Variants in ADAMTS6 observed in about 807,000 individuals in gnomAD.
ADAMTS6 encodes A disintegrin and metalloproteinase with thrombospondin motifs 6.
A neutral mutation model predicts 144.3 loss-of-function variants in ADAMTS6; 23 were observed. The observed-to-expected ratio is 0.16, with a 90% CI of 0.11 to 0.23. ADAMTS6 has a LOEUF of 0.23. Ranked by LOEUF, ADAMTS6 falls within the 10% of genes least tolerant of loss-of-function variation. The pLI, the probability that ADAMTS6 is intolerant of heterozygous loss-of-function variation, is 1.00. For synonymous variants in ADAMTS6, 444 were observed against 457.5 expected (o/e 0.97, Z 0.38); for missense variants, 999 against 1,379.6 (o/e 0.72, Z 4.37).
chr5:65,198,465 A>G (rs1364965782), intron 20 of ADAMTS6: 1 of 167,058 alleles, frequency 6.0e-6, no homozygotes, highest in Non-Finnish European at 1.5e-5. Flanking sequence ...GCTTCCCCCA[A>G]GTTCCCCTAA....
intron 11 of ADAMTS6, among the ~76,000 whole-genome samples, chr5:65,283,383 A>C (rs1371412225): frequency 6.6e-6 from 1 of 152,048 alleles, no homozygotes; most frequent in East Asian, 1.9e-4. Context: ...AACTAAAAAA[A>C]CCCTTAATCC....
At chr5:65,409,552 C>T (rs1453511127) in intron 7 of ADAMTS6, among the ~76,000 whole-genome samples, 5 of 151,958 alleles carry the variant, frequency 3.3e-5, no homozygotes, top group African/African-American at 4.8e-5. Flanking sequence ...GATTCACAGC[C>T]GAATTCTACC....
At chr5:65,246,430 C>T (rs1330480797) in intron 14 of ADAMTS6, among the ~76,000 whole-genome samples, 1 of 152,016 alleles carries the variant, frequency 6.6e-6, no homozygotes, top group East Asian at 1.9e-4. Flanking sequence ...AAAAACAAAA[C>T]CCAAATAGAT....
At chr5:65,459,832 T>C (rs1759512039) in intron 4 of ADAMTS6, among the ~76,000 whole-genome samples, 1 of 152,134 alleles carries the variant, frequency 6.6e-6, no homozygotes, top group Non-Finnish European at 1.5e-5. Context: ...GCTACTAGCA[T>C]AAAAATATCA....
At chr5:65,154,307 C>T (rs1369691318) in intron 24 of ADAMTS6, among the ~76,000 whole-genome samples, 2 of 152,198 alleles carry the variant, frequency 1.3e-5, no homozygotes, top group Non-Finnish European at 2.9e-5. Context: ...CATGCAGAGG[C>T]CCAGAACACA....
At chr5:65,381,223 T>G (rs1038172567) in intron 7 of ADAMTS6, among the ~76,000 whole-genome samples, 3 of 152,214 alleles carry the variant, frequency 2.0e-5, no homozygotes, top group African/African-American at 4.8e-5. Context: ...AAAATGAAAA[T>G]TTTTAAATGG....
chr5:65,295,624 G>A (rs1330466953), intron 10 of ADAMTS6, among the ~76,000 whole-genome samples: 1 of 151,976 alleles, frequency 6.6e-6, no homozygotes, highest in Non-Finnish European at 1.5e-5. Context: ...AAGTAGACCT[G>A]TGATTATTTC....
In ADAMTS6 at chr5:65,314,127, A is replaced by C. The variant is rs551895113; in HGVS notation, c.1224-13996T>G. On this transcript the variant is annotated intron_variant, in intron 9 of 24. Transcript: ENST00000381055. ...AACAGCTTTAAAGGAAAAAGTAAAC[A>C]ACATGCAAGAAGAGATAGATAATTA... Among the ~76,000 whole-genome samples the C allele has an allele frequency of 1.4e-3, 220 of 152,292 alleles. 2 individuals are homozygous for C. The highest frequency in any genetic ancestry group is 3.1e-3 in the Admixed American group (48 of 15,280).
chr5:65,282,420 C>G (rs1481558444), intron 11 of ADAMTS6, among the ~76,000 whole-genome samples: 3 of 152,012 alleles, frequency 2.0e-5, no homozygotes, highest in African/African-American at 7.2e-5. Flanking sequence ...AGGTAGCAGG[C>G]TTCCCAGAGA....
chr5:65,201,058 CT>C (rs2112248084), intron 20 of ADAMTS6, among the ~76,000 whole-genome samples: 1 of 152,288 alleles, frequency 6.6e-6, no homozygotes, highest in East Asian at 1.9e-4. Context: ...GCATATTCCA[CT>C]TGAATCACTG....
At chr5:65,331,640 G>T (rs1746724587) in intron 8 of ADAMTS6, among the ~76,000 whole-genome samples, 1 of 151,870 alleles carries the variant, frequency 6.6e-6, no homozygotes, top group African/African-American at 2.4e-5. Context: ...GGTCATTTAG[G>T]TTTCCTCAGC....
intron 4 of ADAMTS6, among the ~76,000 whole-genome samples, chr5:65,459,492 C>CA (rs1191692120): frequency 2.6e-5 from 4 of 152,102 alleles, no homozygotes; most frequent in Non-Finnish European, 5.9e-5. Flanking sequence ...TTCTAATATC[C>CA]AGTTACATGA....
At chr5:65,356,719 CTT>C (rs1749358741) in intron 7 of ADAMTS6, among the ~76,000 whole-genome samples, 1 of 151,904 alleles carries the variant, frequency 6.6e-6, no homozygotes, top group South Asian at 2.1e-4. Flanking sequence ...ACATTTATCA[CTT>C]TGCTCAAACT....
chr5:65,184,666 G>C (rs1342333710), intron 22 of ADAMTS6, among the ~76,000 whole-genome samples: 2 of 152,292 alleles, frequency 1.3e-5, no homozygotes, highest in African/African-American at 4.8e-5. Context: ...TGCCCAGTGA[G>C]GGCAAAAACA....
intron 8 of ADAMTS6, 137 bp from the exon 9 acceptor site, chr5:65,329,620 G>T: frequency 1.6e-6 from 1 of 639,848 alleles, no homozygotes; most frequent in Non-Finnish European, 2.5e-6. Context: ...TAACTTTCTA[G>T]TCATTTGCAA....
At chr5:65,323,452 AT>A (rs1745835657) in intron 9 of ADAMTS6, among the ~76,000 whole-genome samples, 1 of 151,766 alleles carries the variant, frequency 6.6e-6, no homozygotes, top group African/African-American at 2.4e-5. Context: ...TGAAATCATC[AT>A]TTTTTATGGC....
intron 7 of ADAMTS6, among the ~76,000 whole-genome samples, chr5:65,419,594 T>C (rs1047037482): frequency 3.3e-5 from 5 of 152,188 alleles, no homozygotes; most frequent in African/African-American, 1.2e-4. Context: ...TTTGAATTAA[T>C]GAATAAATCA....
intron 7 of ADAMTS6, among the ~76,000 whole-genome samples, chr5:65,347,881 T>G (rs1456574680): frequency 6.6e-6 from 1 of 152,090 alleles, no homozygotes; most frequent in Non-Finnish European, 1.5e-5. Context: ...CAGACATTTC[T>G]CAAAAGAAGG....
chr5:65,446,363 G>C (rs1055979855), intron 7 of ADAMTS6, among the ~76,000 whole-genome samples: 19 of 152,204 alleles, frequency 1.2e-4, no homozygotes, highest in Admixed American at 7.2e-4. Context: ...AAAACATTAG[G>C]TGACTTTGGA....
Sources: gnomAD v4.1 joint callset for allele counts (sites outside exome capture counted in the v4.1 genomes callset) on GRCh38, gnomAD v4.1.1 for gene constraint, MANE v1.5 for transcripts, NCBI Gene and HGNC (gene_info 2026-07-23, HGNC 2026-07-21) for gene names.